Variants in NOL4 observed in about 807,000 individuals in gnomAD.
The protein encoded by NOL4 is cancer/testis antigen 125.
A neutral mutation model predicts 75.9 loss-of-function variants in NOL4; 17 were observed. That is an observed-to-expected ratio of 0.22 (90% CI 0.15 to 0.34). The LOEUF is 0.34. Among genes scored for constraint, NOL4 ranks in the 10% least tolerant of loss-of-function variants. The probability of loss-of-function intolerance (pLI) is 1.00; values close to 1 mark genes in which losing one functional copy is unlikely to be tolerated. For missense variants in NOL4, 614 were observed against 793.5 expected, an observed-to-expected ratio of 0.77 and a Z score of 2.72; for synonymous variants, 292 against 289.9, an observed-to-expected ratio of 1.01 and a Z score of -0.07.
chr18:34,177,618 G>A (rs754688778), intron 1 of NOL4, among the ~76,000 whole-genome samples: 23 of 151,750 alleles, frequency 1.5e-4, no homozygotes, highest in East Asian at 9.7e-4. Flanking sequence ...TAGGTTTTTC[G>A]CGGGATGTTT....
At chr18:34,085,205 TA>T (rs1164462692) in intron 5 of NOL4, among the ~76,000 whole-genome samples, 1 of 152,210 alleles carries the variant, frequency 6.6e-6, no homozygotes, top group East Asian at 1.9e-4. Flanking sequence ...TGAGGCTTCT[TA>T]ATTTTATTTA....
intron 1 of NOL4, among the ~76,000 whole-genome samples, chr18:34,168,951 A>C (rs1168891422): frequency 6.6e-6 from 1 of 151,974 alleles, no homozygotes; most frequent in Non-Finnish European, 1.5e-5. Flanking sequence ...AAATACTTAC[A>C]ATATCTTATA....
intron 9 of NOL4, among the ~76,000 whole-genome samples, chr18:33,909,398 T>C (rs1467798462): frequency 6.6e-6 from 1 of 152,182 alleles, no homozygotes; most frequent in Non-Finnish European, 1.5e-5. Flanking sequence ...TTTTCCTAAG[T>C]CCACATTTCC....
At chr18:34,124,555 TCTAA>T (rs962618902) in intron 2 of NOL4, among the ~76,000 whole-genome samples, 8 of 152,264 alleles carry the variant, frequency 5.3e-5, no homozygotes, top group African/African-American at 9.6e-5. Context: ...CTTCTTAACT[TCTAA>T]CTGTCAAACA....
intron 2 of NOL4, among the ~76,000 whole-genome samples, chr18:34,116,857 CT>C (rs1373408527): frequency 6.6e-6 from 1 of 152,074 alleles, no homozygotes; most frequent in African/African-American, 2.4e-5. Context: ...TTGACCATGT[CT>C]TCTTTTCTCA....
intron 9 of NOL4, among the ~76,000 whole-genome samples, chr18:33,919,181 C>A (rs1382375462): frequency 6.6e-6 from 1 of 151,868 alleles, no homozygotes; most frequent in Non-Finnish European, 1.5e-5. Context: ...TGGGTTGGAC[C>A]CTGTTGCCAT....
intron 2 of NOL4, among the ~76,000 whole-genome samples, chr18:34,129,427 C>A (rs1025676599): frequency 1.3e-5 from 2 of 151,542 alleles, no homozygotes; most frequent in African/African-American, 4.8e-5. Context: ...TAAAATATTC[C>A]TCATGACTTT....
At chr18:34,047,691 A>G (rs1295207998) in intron 5 of NOL4, among the ~76,000 whole-genome samples, 1 of 152,156 alleles carries the variant, frequency 6.6e-6, no homozygotes, top group African/African-American at 2.4e-5. Context: ...CAAGGTTTCT[A>G]GCTTCTAAGC....
Position 33,958,313 on chromosome 18 carries a change from G to C in NOL4, c.1162C>G (p.His388Asp). 1 of 1,613,758 alleles carries C rather than the reference G, an allele frequency of 6.2e-7. No homozygotes were observed. The highest frequency in any genetic ancestry group is 1.1e-5 in the South Asian group (1 of 91,066). Residue 388 changes from histidine (H) to aspartate (D), a missense_variant, in exon 7 of 11, where the codon CAC becomes GAC. His to Asp is a moderately conservative substitution (Grantham distance 81). Coordinates refer to ENST00000261592, the MANE Select transcript of NOL4 (RefSeq NM_003787.5). ...TTCTCCGAATCGTCATGGTCCTCGT[G>C]GTCATCTTCGTCCTCATCTCCCCTG... Reference protein sequence around the residue: ...LNRGDEDEDDHEDHDDSEKVN... With the variant: ...LNRGDEDEDDDEDHDDSEKVN...
chr18:33,885,193 T>C (rs553412324), intron 9 of NOL4, among the ~76,000 whole-genome samples: 79 of 152,274 alleles, frequency 5.2e-4, no homozygotes, highest in Non-Finnish European at 9.0e-4. Flanking sequence ...ATATATTTAA[T>C]GCAAACATTA....
intron 2 of NOL4, among the ~76,000 whole-genome samples, chr18:34,109,052 T>G (rs2145724409): frequency 6.6e-6 from 1 of 151,994 alleles, no homozygotes; most frequent in Non-Finnish European, 1.5e-5. Flanking sequence ...ATTGAAAAAT[T>G]TACAAATATG....
At chr18:33,953,897 C>CA (rs2069444725) in intron 8 of NOL4, among the ~76,000 whole-genome samples, 1 of 151,992 alleles carries the variant, frequency 6.6e-6, no homozygotes, top group African/African-American at 2.4e-5. Context: ...AGTAACTGCC[C>CA]AAAAGCAGGT....
Position 34,019,557 on chromosome 18 carries a change from G to A in NOL4, c.817C>T (p.His273Tyr), listed in dbSNP as rs1301908551. 4.3e-6 allele frequency: 7 copies of A among 1,613,774 alleles called. No individual in the cohort carries two copies. Among genetic ancestry groups the A allele is most frequent in the East Asian group, 4.5e-5 (2 of 44,850 alleles). The change falls in exon 6 of 11, where the codon CAC becomes TAC. Residue 273 changes from histidine (H) to tyrosine (Y), a missense_variant. His to Tyr is a moderately conservative substitution (Grantham distance 83). Transcript: ENST00000261592. ...GTTCCCCCTGAAGCAATTGAACTGTGCCCCAGAGTCTCATTGCCATTAAAG... is the reference window on the plus strand; with the variant it reads ...GTTCCCCCTGAAGCAATTGAACTGTACCCCAGAGTCTCATTGCCATTAAAG... ...ESFNGNETLG[H>Y]SSIASGGTHS...
At chr18:33,968,587 T>C (rs2070793128) in intron 6 of NOL4, among the ~76,000 whole-genome samples, 1 of 152,160 alleles carries the variant, frequency 6.6e-6, no homozygotes, top group Non-Finnish European at 1.5e-5. Flanking sequence ...CAAATGAATA[T>C]AAAGATTTGA....
rs2033810420 is a variant in NOL4, at chr18:34,179,097, CAAAG to C, written c.264+43889_264+43892del. Among the ~76,000 whole-genome samples the C allele has an allele frequency of 4.0e-5, 6 of 151,240 alleles. No individual in the cohort carries two copies. In the Admixed American group the frequency reaches 4.0e-4, roughly 10 times the overall value. On this transcript the variant is annotated intron_variant, in intron 1 of 10. Coordinates refer to ENST00000261592, the MANE Select transcript of NOL4 (RefSeq NM_003787.5). ...CAACGTGCTCTCAAAACTAATGAGT[CAAAG>C]AAGAAGTCATAAAGGTAATTAGAAA...
intron 10 of NOL4, among the ~76,000 whole-genome samples, chr18:33,867,831 C>T (rs539154054): frequency 1.7e-3 from 264 of 152,162 alleles, no homozygotes; most frequent in Admixed American, 3.7e-3. Flanking sequence ...GACTCTTAGT[C>T]CAAGATCCAG....
At chr18:34,114,444 A>G (rs1375067822) in intron 2 of NOL4, among the ~76,000 whole-genome samples, 1 of 152,194 alleles carries the variant, frequency 6.6e-6, no homozygotes, top group Non-Finnish European at 1.5e-5. Flanking sequence ...TATTAAATAT[A>G]TTGCTCACAA....
intron 10 of NOL4, among the ~76,000 whole-genome samples, chr18:33,882,764 T>C (rs1359034230): frequency 6.6e-6 from 1 of 152,062 alleles, no homozygotes; most frequent in Non-Finnish European, 1.5e-5. Context: ...CACGTATGTT[T>C]ATTGCGGCAC....
intron 1 of NOL4, among the ~76,000 whole-genome samples, chr18:34,190,309 T>C (rs925714317): frequency 9.2e-5 from 14 of 151,952 alleles, no homozygotes; most frequent in African/African-American, 3.1e-4. Flanking sequence ...CTGTAACAGA[T>C]CGCATGCAAA....
Sources: gnomAD v4.1 joint callset for allele counts (sites outside exome capture counted in the v4.1 genomes callset) on GRCh38, gnomAD v4.1.1 for gene constraint, MANE v1.5 for transcripts, NCBI Gene and HGNC (gene_info 2026-07-23, HGNC 2026-07-21) for gene names.